Variants in MUC3A observed in about 807,000 individuals in gnomAD.
MUC3A encodes the protein mucin 3A, cell surface associated.
In MUC3A, 109 loss-of-function variants were observed where a neutral mutation model predicts 109.0. The observed-to-expected ratio is 1.00, with a 90% CI of 0.86 to 1.17. MUC3A has a LOEUF of 1.17. MUC3A is among the 50% of genes most tolerant of loss of function. The pLI is 0.00. For missense variants in MUC3A, 3,537 were observed against 2,469.4 expected, an observed-to-expected ratio of 1.43 and a Z score of -9.16; for synonymous variants, 1,398 against 981.4, an observed-to-expected ratio of 1.42 and a Z score of -7.93.
At chr7:100,963,886 C>T (rs2116217236) in intron 5 of MUC3A, 134 bp downstream of exon 5, 2 of 1,283,494 alleles carry the variant, frequency 1.6e-6, no homozygotes, top group Admixed American at 2.0e-5. Context: ...GGAATCACTC[C>T]CTGGGTATTT....
Position 100,957,118 on chromosome 7 carries a change from C to T in MUC3A, c.5339C>T (p.Thr1780Ile), listed in dbSNP as rs1487929112. Residue 1780 changes from threonine to isoleucine, a missense_variant, in exon 2 of 12, where the codon ACC becomes ATC. Physicochemically the swap from Thr to Ile is moderately conservative, Grantham distance 89 (BLOSUM62 -1). Transcript: ENST00000379458. ...TYTVTSMTTT[T>I]PLGPTATNTL... ...ACGGTGACTTCGATGACAACTACCACCCCTCTAGGGCCCACAGCCACTAAT... is the reference window on the plus strand; with the variant it reads ...ACGGTGACTTCGATGACAACTACCATCCCTCTAGGGCCCACAGCCACTAAT... 2 of 459,320 alleles carry T rather than the reference C, an allele frequency of 4.4e-6. No individual in the cohort carries two copies. Among genetic ancestry groups the T allele is most frequent in the East Asian group, 3.3e-5 (1 of 30,486 alleles). The allele number at this position is 459,320 out of a possible 1,614,324, so 28.5% of individuals were successfully genotyped here.
rs79685001 is a variant in MUC3A at position 100,960,604 on chromosome 7, C to T, written c.8825C>T (p.Thr2942Ile). Residue 2942 changes from threonine to isoleucine, a missense_variant, in exon 2 of 12, where the codon ACT becomes ATT. Transcript: ENST00000379458. ...ACATCACGCAGGACAACTCGCATCA[C>T]TTCTCAGATGACCACACAGTCCACG... The part of the protein sequence containing the change: ...TLTSRRTTRI[T>I]SQMTTQSTLT... The T allele has an allele frequency of 3.8e-6, 6 of 1,598,478 alleles. No homozygotes were observed. Among genetic ancestry groups the T allele is most frequent in the Non-Finnish European group, 5.1e-6 (6 of 1,179,744 alleles).
chr7:100,957,523 A>C lies in MUC3A; in HGVS notation c.5744A>C (p.Glu1915Ala). The C allele has an allele frequency of 1.9e-6, 3 of 1,554,086 alleles. No homozygotes were observed. Among genetic ancestry groups the C allele is most frequent in the Non-Finnish European group, 2.6e-6 (3 of 1,160,436 alleles). ...TTCACTTCTTCAATCGCAACCACCG[A>C]GACCCCCTCACACAGTACTCCCAGA... Reference protein sequence around the residue: ...PSFTSSIATTETPSHSTPRFT... With the variant: ...PSFTSSIATTATPSHSTPRFT... The change falls in exon 2 of 12, where the codon GAG becomes GCG. Residue 1915 changes from glutamate (E) to alanine (A), a missense_variant. Physicochemically the swap from Glu to Ala is moderately radical, Grantham distance 107 (BLOSUM62 -1). Coordinates refer to ENST00000379458, the MANE Select transcript of MUC3A (RefSeq NM_005960.2).
In MUC3A at chr7:100,966,476, C is replaced by A; in HGVS notation, c.9702C>A (p.Gly3234=). 2 of 1,326,102 alleles carry A rather than the reference C, an allele frequency of 1.5e-6. No individual in the cohort carries two copies. The highest frequency in any genetic ancestry group is 9.6e-7 in the Non-Finnish European group (1 of 1,046,736). 82.1% of individuals were successfully genotyped at this position (1,326,102 alleles called of 1,614,324 possible). A position where few individuals can be genotyped will look rare whatever the true frequency, so the allele number is the denominator to read the frequency against. The change falls in exon 9 of 12, where the codon GGC becomes GGA. Residue 3234 remains glycine (G), a synonymous_variant. Coordinates refer to ENST00000379458, the MANE Select transcript of MUC3A (RefSeq NM_005960.2). ...WRALVGGLTA[G]AALLVLLLLA... ...CGCTGGTCGGGGGCCTGACGGCCGG[C>A]GCCGCGCTGCTGGTGCTGCTGCTGC...
At chr7:100,966,619 G>C (rs1792576072) in intron 9 of MUC3A, 33 bp from the exon 10 acceptor site, 2 of 1,598,406 alleles carry the variant, frequency 1.3e-6, no homozygotes, top group Non-Finnish European at 1.7e-6. Context: ...CAGGCGGGCC[G>C]GCTCTGTCTG....
chr7:100,967,064 C>G (rs1468288001), intron 11 of MUC3A, 57 bp from the exon 12 acceptor site: 1 of 1,598,468 alleles, frequency 6.3e-7, no homozygotes, highest in Admixed American at 1.7e-5. Flanking sequence ...GCAGTGACCT[C>G]CCTGTCAGCC....
chr7:100,951,964 A>G lies in MUC3A; in HGVS notation c.185A>G (p.Gln62Arg), dbSNP rs1791956771. 1 of 1,598,530 alleles carries G rather than the reference A, an allele frequency of 6.3e-7. No homozygotes were observed. The highest frequency in any genetic ancestry group is 1.3e-5 in the African/African-American group (1 of 74,956). Reference protein sequence around the residue: ...DLAGWPLGVPQLASPAPGHRE... With the variant: ...DLAGWPLGVPRLASPAPGHRE... ...GCTGGGTGGCCACTTGGTGTCCCCCAGCTCGCCTCTCCTGCTCCTGGCCAC... is the reference window on the plus strand; with the variant it reads ...GCTGGGTGGCCACTTGGTGTCCCCCGGCTCGCCTCTCCTGCTCCTGGCCAC... The change falls in exon 2 of 12, where the codon CAG becomes CGG. Residue 62 changes from glutamine to arginine, a missense_variant. Transcript: ENST00000379458.
Position 100,965,541 on chromosome 7 carries a change from G to T in MUC3A, c.9449-163G>T, listed in dbSNP as rs896606164. 144 of 1,409,680 alleles carry T rather than the reference G, an allele frequency of 1.0e-4. No homozygotes were observed. In the East Asian group the frequency reaches 1.4e-3, roughly 13 times the overall value. 87.3% of individuals were successfully genotyped at this position (1,409,680 alleles called of 1,614,324 possible). A position where few individuals can be genotyped will look rare whatever the true frequency, so the allele number is the denominator to read the frequency against. The stretch of plus-strand genomic sequence containing the variant: ...CAGGGGCCACGAGGAGAGGGTGAGG[G>T]TGCTGCGGGTGGCCTCCCCTCATCG... On this transcript the variant is annotated intron_variant, in intron 7 of 11. Coordinates refer to ENST00000379458, the MANE Select transcript of MUC3A (RefSeq NM_005960.2).
intron 3 of MUC3A, among the ~76,000 whole-genome samples, chr7:100,962,709 T>G (rs1792370876): frequency 6.7e-6 from 1 of 149,458 alleles, no homozygotes; most frequent in Non-Finnish European, 1.5e-5. Context: ...TTTCTCTTTC[T>G]TTTCTTTCCT....
chr7:100,960,194 C>G lies in MUC3A; in HGVS notation c.8415C>G (p.Val2805=). Residue 2805 remains valine (V), a synonymous_variant, in exon 2 of 12, where the codon GTC becomes GTG. Transcript: ENST00000379458. ...ATSPPTTPLT[V]FPFTTEMVTC... ...CTCCTCCCACCACCCCATTAACAGT[C>G]TTTCCCTTTACTACCGAAATGGTCA... 6.3e-7 allele frequency: 1 copy of G among 1,591,786 alleles called. No homozygotes were observed. The highest frequency in any genetic ancestry group is 8.5e-7 in the Non-Finnish European group (1 of 1,175,446).
chr7:100,949,828 C>G, intron 1 of MUC3A, 143 bp downstream of exon 1: 1 of 504,918 alleles, frequency 2.0e-6, no homozygotes, highest in Admixed American at 8.7e-5. Context: ...AGAACCGAGG[C>G]ACGGCCTGAC....
rs1408401775 is a variant in MUC3A, at chr7:100,959,814, A to G, written c.8035A>G (p.Thr2679Ala). Residue 2679 changes from threonine (T) to alanine (A), a missense_variant, in exon 2 of 12, where the codon ACC (threonine) becomes GCC (alanine). Coordinates refer to ENST00000379458, the MANE Select transcript of MUC3A (RefSeq NM_005960.2). The stretch of plus-strand genomic sequence containing the variant: ...AAATGCAATCTTGACTTCTTTTAGT[A>G]CCATCATCTGGTCCTCAACACCCAC... ...STNAILTSFS[T>A]IIWSSTPTII... is the part of the protein sequence containing the mutation. 4 of 1,587,694 alleles carry G rather than the reference A, an allele frequency of 2.5e-6. No individual in the cohort carries two copies. The highest frequency in any genetic ancestry group is 1.1e-5 in the South Asian group (1 of 88,192).
At chr7:100,951,671 ACC>A (rs1455071023) in intron 1 of MUC3A, among the ~76,000 whole-genome samples, 168 bp from the exon 2 acceptor site, 1 of 152,122 alleles carries the variant, frequency 6.6e-6, no homozygotes, top group African/African-American at 2.4e-5. Flanking sequence ...CGTCTCCAGC[ACC>A]ACAAAGCACC....
At position 100,957,998 on chromosome 7, in the gene MUC3A, T is replaced by C; in HGVS notation, c.6219T>C (p.Thr2073=). The part of the protein sequence containing the change: ...ITITEITSHS[T]LSYTTSITTT... ...TCACCGAGATCACCTCACACAGTAC[T>C]CTCAGCTACACTACCTCAATCACCA... The change falls in exon 2 of 12, where the codon ACT becomes ACC. Residue 2073 remains threonine, a synonymous_variant. Coordinates refer to ENST00000379458, the MANE Select transcript of MUC3A (RefSeq NM_005960.2). 1 of 845,682 alleles carries C rather than the reference T, an allele frequency of 1.2e-6. No individual in the cohort carries two copies. Among genetic ancestry groups the C allele is most frequent in the Admixed American group, 1.7e-5 (1 of 59,010 alleles). The allele number at this position is 845,682 out of a possible 1,614,324, so 52.4% of individuals were successfully genotyped here.
rs971941593 is a variant in MUC3A at position 100,957,521 on chromosome 7, C to A, written c.5742C>A (p.Thr1914=). The change falls in exon 2 of 12, where the codon ACC becomes ACA. Residue 1914 remains threonine (T), a synonymous_variant. Transcript: ENST00000379458. ...GCTTCACTTCTTCAATCGCAACCACCGAGACCCCCTCACACAGTACTCCCA... is the reference window on the plus strand; with the variant it reads ...GCTTCACTTCTTCAATCGCAACCACAGAGACCCCCTCACACAGTACTCCCA... The part of the protein sequence containing the change: ...TPSFTSSIAT[T]ETPSHSTPRF... The A allele has an allele frequency of 1.9e-6, 2 of 1,060,974 alleles. No individual in the cohort carries two copies. The highest frequency in any genetic ancestry group is 2.2e-6 in the Non-Finnish European group (2 of 892,766). 65.7% of individuals were successfully genotyped at this position (1,060,974 alleles called of 1,614,324 possible). A position where few individuals can be genotyped will look rare whatever the true frequency, so the allele number is the denominator to read the frequency against.
Position 100,959,928 on chromosome 7 carries a change from T to C in MUC3A, c.8149T>C (p.Phe2717Leu). ...TTCTGTTCCTTCTTCACCATACATT[T>C]TCAGTACAGAAAATGTGGGCTCCGC... ...IHSVPSSPYI[F>L]STENVGSASI... The change falls in exon 2 of 12, where the codon TTC becomes CTC. Residue 2717 changes from phenylalanine (F) to leucine (L), a missense_variant. Phe to Leu is a conservative substitution (Grantham distance 22). Transcript: ENST00000379458. 1.3e-6 allele frequency: 2 copies of C among 1,513,752 alleles called. No individual in the cohort carries two copies. The highest frequency in any genetic ancestry group is 1.8e-6 in the Non-Finnish European group (2 of 1,142,128). 93.8% of individuals were successfully genotyped at this position (1,513,752 alleles called of 1,614,324 possible). A position where few individuals can be genotyped will look rare whatever the true frequency, so the allele number is the denominator to read the frequency against.
At position 100,952,463 on chromosome 7, in the gene MUC3A, G is replaced by T; in HGVS notation, c.684G>T (p.Arg228Ser). The T allele has an allele frequency of 6.3e-7, 1 of 1,598,584 alleles. No individual in the cohort carries two copies. The highest frequency in any genetic ancestry group is 8.5e-7 in the Non-Finnish European group (1 of 1,179,812). The change falls in exon 2 of 12, where the codon AGG (arginine) becomes AGT (serine). Residue 228 changes from arginine (R) to serine (S), a missense_variant. Transcript: ENST00000379458. ...TISSTTRTTE[R>S]TPLPTGSIHT... Reference sequence around the variant, plus strand: ...CGTCTACAACTAGAACCACAGAAAGGACTCCCCTGCCCACTGGAAGCATCC... The same window carrying T: ...CGTCTACAACTAGAACCACAGAAAGTACTCCCCTGCCCACTGGAAGCATCC...
rs587751914 is a variant in MUC3A, at chr7:100,965,505, C to T, written c.9448+158C>T. 30 of 1,432,900 alleles carry T rather than the reference C, an allele frequency of 2.1e-5. No individual in the cohort carries two copies. The South Asian group carries it at 3.6e-4, about 17-fold the overall frequency. The allele number at this position is 1,432,900 out of a possible 1,614,324, so 88.8% of individuals were successfully genotyped here. A position where few individuals can be genotyped will look rare whatever the true frequency, so the allele number is the denominator to read the frequency against. ...TCCTGGCGCTGGTTAGTGGCTTCCA[C>T]CTGAGGACAGCAGGGGCCACGAGGA... On this transcript the variant is annotated intron_variant, in intron 7 of 11. Coordinates refer to ENST00000379458, the MANE Select transcript of MUC3A (RefSeq NM_005960.2).
At position 100,958,355 on chromosome 7, in the gene MUC3A, T is replaced by G. The variant is rs1271593356; in HGVS notation, c.6576T>G (p.Asn2192Lys). The G allele has an allele frequency of 1.5e-4, 9 of 58,782 alleles. No individual in the cohort carries two copies. The highest frequency in any genetic ancestry group is 3.3e-4 in the Admixed American group (1 of 3,056). The allele number at this position is 58,782 out of a possible 1,614,324, so 3.6% of individuals were successfully genotyped here. ...GTACTCCCAGCTTCACTTCTTCAAA[T>G]ACCATCACTGAGACCACCTCACACA... Reference protein sequence around the residue: ...SYSTPSFTSSNTITETTSHST... With the variant: ...SYSTPSFTSSKTITETTSHST... The change falls in exon 2 of 12, where the codon AAT becomes AAG. Residue 2192 changes from asparagine (N) to lysine (K), a missense_variant. By Grantham distance (94) the Asn-to-Lys change is moderately conservative. Transcript: ENST00000379458.
Sources: allele counts gnomAD v4.1 joint callset (sites outside exome capture counted in the v4.1 genomes callset), GRCh38; gene constraint gnomAD v4.1.1; transcripts MANE v1.5; gene names NCBI Gene and HGNC (gene_info 2026-07-23, HGNC 2026-07-21).